ACVR1C: variants seen among roughly 807,000 people sequenced by gnomAD.
The protein encoded by ACVR1C is activin receptor type-1C.
Under a neutral mutation model 57.9 loss-of-function variants are expected in ACVR1C, and 23 were observed. The ratio of observed to expected loss-of-function variants is 0.40; its 90% CI spans 0.29 to 0.56. The LOEUF is 0.56. Among genes scored for constraint, ACVR1C ranks in the 20% least tolerant of loss-of-function variants. The pLI is 0.50. For missense variants in ACVR1C, 480 were observed against 607.9 expected (o/e 0.79, Z 2.21); for synonymous variants, 214 against 215.3 (o/e 0.99, Z 0.05).
chr2:157,584,986 C>A (rs1169631858), intron 2 of ACVR1C, among the ~76,000 whole-genome samples: 1 of 152,184 alleles, frequency 6.6e-6, no homozygotes, highest in Non-Finnish European at 1.5e-5. Flanking sequence ...GTTCCTCCCC[C>A]TCTTAAAAAT....
In ACVR1C at chr2:157,536,029, T is replaced by C. The variant is rs572119732; in HGVS notation, c.1357-1986A>G. On this transcript the variant is annotated intron_variant, in intron 8 of 8. Transcript: ENST00000243349. ...AAATAAAGGTTCAGAAATAAATAAA[T>C]AAAGTAGAAAACTCGATGGATGAGT... 2.4e-3 allele frequency among the ~76,000 whole-genome samples: 366 copies of C among 151,962 alleles called. 2 individuals are homozygous for C. The highest frequency in any genetic ancestry group is 3.4e-3 in the Middle Eastern group (1 of 294).
chr2:157,560,919 T>G (rs1163220212), intron 2 of ACVR1C, among the ~76,000 whole-genome samples: 1 of 152,202 alleles, frequency 6.6e-6, no homozygotes, highest in Admixed American at 6.5e-5. Flanking sequence ...GTATAATATC[T>G]ACATTTCAAA....
intron 1 of ACVR1C, among the ~76,000 whole-genome samples, chr2:157,609,027 G>A (rs1286985015): frequency 6.6e-6 from 1 of 151,380 alleles, no homozygotes; most frequent in Non-Finnish European, 1.5e-5. Flanking sequence ...TTGGGGTTTG[G>A]TTTGCTCTTG....
At chr2:157,616,122 T>C (rs775286077) in intron 1 of ACVR1C, among the ~76,000 whole-genome samples, 4 of 152,178 alleles carry the variant, frequency 2.6e-5, no homozygotes, top group African/African-American at 4.8e-5. Flanking sequence ...TCTCCCTCTG[T>C]TTTCTTCTAG....
intron 1 of ACVR1C, 94 bp from the exon 2 acceptor site, chr2:157,587,511 A>G: frequency 1.0e-6 from 1 of 986,270 alleles, no homozygotes; most frequent in Non-Finnish European, 1.5e-6. Context: ...TCTTAATGAA[A>G]ATGGAAAAAG....
chr2:157,545,507 TACTC>T (rs1204695169), intron 4 of ACVR1C, among the ~76,000 whole-genome samples: 1 of 152,216 alleles, frequency 6.6e-6, no homozygotes, highest in African/African-American at 2.4e-5. Context: ...AAATAACCCT[TACTC>T]ACACCTCTCT....
In ACVR1C at chr2:157,550,185, C is replaced by T; in HGVS notation, c.752G>A (p.Gly251Asp). ...ACCTTTGTTGTCAGCAGCAATGAAACCAAGGATGTTTTCATGTCGCAGCAT... is the reference window on the plus strand; with the variant it reads ...ACCTTTGTTGTCAGCAGCAATGAAATCAAGGATGTTTTCATGTCGCAGCAT... The part of the protein sequence containing the change: ...TVMLRHENIL[G>D]FIAADNKDNG... Residue 251 changes from glycine (G) to aspartate (D), a missense_variant, in exon 4 of 9, where the codon GGT (glycine) becomes GAT (aspartate). Coordinates refer to ENST00000243349, the MANE Select transcript of ACVR1C (RefSeq NM_145259.3). 1 of 1,613,786 alleles carries T rather than the reference C, an allele frequency of 6.2e-7. No individual in the cohort carries two copies. The highest frequency in any genetic ancestry group is 8.5e-7 in the Non-Finnish European group (1 of 1,179,930).
intron 8 of ACVR1C, among the ~76,000 whole-genome samples, chr2:157,536,550 G>T (rs1323621725): frequency 6.6e-6 from 1 of 152,080 alleles, no homozygotes; most frequent in African/African-American, 2.4e-5. Flanking sequence ...AATTTCTATG[G>T]TTAGACAAAC....
chr2:157,550,537 G>T, intron 3 of ACVR1C, 145 bp from the exon 4 acceptor site: 1 of 695,184 alleles, frequency 1.4e-6, no homozygotes, highest in Non-Finnish European at 2.3e-6. Flanking sequence ...TACCATTATA[G>T]CAAACTTATT....
intron 2 of ACVR1C, among the ~76,000 whole-genome samples, chr2:157,565,439 A>T (rs1173994954): frequency 1.3e-5 from 2 of 152,046 alleles, no homozygotes; most frequent in Non-Finnish European, 2.9e-5. Context: ...ATCCAATTAC[A>T]AGTTAATTCG....
chr2:157,560,512 G>A, intron 2 of ACVR1C, among the ~76,000 whole-genome samples: 1 of 152,152 alleles, frequency 6.6e-6, no homozygotes, highest in East Asian at 1.9e-4. Context: ...CCATACAACT[G>A]CTTAACTTTG....
chr2:157,611,831 G>T (rs752754449), intron 1 of ACVR1C, among the ~76,000 whole-genome samples: 3 of 152,148 alleles, frequency 2.0e-5, no homozygotes, highest in Non-Finnish European at 4.4e-5. Context: ...TGGGCTCTGT[G>T]GTTGTGGTGC....
chr2:157,611,566 G>T (rs961673774), intron 1 of ACVR1C, among the ~76,000 whole-genome samples: 5 of 152,150 alleles, frequency 3.3e-5, no homozygotes, highest in Admixed American at 2.0e-4. Flanking sequence ...TGGGCAATAG[G>T]CTTGTTGTGG....
chr2:157,541,497 A>AC (rs1276334045), intron 6 of ACVR1C, among the ~76,000 whole-genome samples: 30 of 152,304 alleles, frequency 2.0e-4, no homozygotes, highest in Middle Eastern at 6.8e-3. Context: ...CATGGGCCTG[A>AC]CTGAGCCTTG....
At chr2:157,573,695 G>C (rs1335566681) in intron 2 of ACVR1C, among the ~76,000 whole-genome samples, 1 of 152,004 alleles carries the variant, frequency 6.6e-6, no homozygotes, top group Non-Finnish European at 1.5e-5. Context: ...GAATTTTCAT[G>C]GACAATATTA....
At chr2:157,547,442 A>G (rs1687791267) in intron 4 of ACVR1C, among the ~76,000 whole-genome samples, 1 of 66,650 alleles carries the variant, frequency 1.5e-5, no homozygotes, top group African/African-American at 4.7e-5. Context: ...CAACAGTGTA[A>G]AAGTGTTCCT....
At position 157,537,845 on chromosome 2, in the gene ACVR1C, A is replaced by C. The variant is rs778587909; in HGVS notation, c.1356+728T>G. ...CTCTATCTTCACATAAGGCATAACAAGCATTGCAATAACCACTTACTATTT... is the reference window on the plus strand; with the variant it reads ...CTCTATCTTCACATAAGGCATAACACGCATTGCAATAACCACTTACTATTT... On this transcript the variant is annotated intron_variant, in intron 8 of 8. Transcript: ENST00000243349. 2.6e-5 allele frequency among the ~76,000 whole-genome samples: 4 copies of C among 152,350 alleles called. No homozygotes were observed. In the East Asian group the frequency reaches 5.8e-4, roughly 22 times the overall value.
At chr2:157,628,445 C>A in intron 1 of ACVR1C, 127 bp downstream of exon 1, 2 of 1,113,446 alleles carry the variant, frequency 1.8e-6, no homozygotes, top group Non-Finnish European at 2.6e-6. Context: ...ATCCGACTGG[C>A]GCTTCCCTGT....
rs544054130 is a variant in ACVR1C at position 157,575,069 on chromosome 2, C to T, written c.304+12118G>A. Among the ~76,000 whole-genome samples, 4 of 152,178 alleles carry T rather than the reference C, an allele frequency of 2.6e-5. No homozygotes were observed. The East Asian group carries it at 7.7e-4, about 29-fold the overall frequency. On this transcript the variant is annotated intron_variant, in intron 2 of 8. Transcript: ENST00000243349. Reference sequence around the variant, plus strand: ...CTTGGCCTTCTGGGCTTGAAGGATCCTCCTGCCTCAGCCTCCCAAGTAGCT... The same window carrying T: ...CTTGGCCTTCTGGGCTTGAAGGATCTTCCTGCCTCAGCCTCCCAAGTAGCT...
Sources: allele counts gnomAD v4.1 joint callset (sites outside exome capture counted in the v4.1 genomes callset), GRCh38; gene constraint gnomAD v4.1.1; transcripts MANE v1.5; gene names NCBI Gene and HGNC (gene_info 2026-07-23, HGNC 2026-07-21).